The following EPS15 variants were observed in gnomAD, a reference collection of about 807,000 sequenced individuals.
EPS15 encodes the protein epidermal growth factor receptor pathway substrate 15, also known as epidermal growth factor receptor substrate 15.
In EPS15, 72 loss-of-function variants were observed where a neutral mutation model predicts 113.8. The ratio of observed to expected loss-of-function variants is 0.63; its 90% CI spans 0.52 to 0.77. EPS15 has a LOEUF of 0.77. Ranked by LOEUF, EPS15 falls within the 30% of genes least tolerant of loss-of-function variation. EPS15 has a pLI of 0.00. For synonymous variants in EPS15, 344 were observed against 363.4 expected, an observed-to-expected ratio of 0.95 and a Z score of 0.61; for missense variants, 1,048 against 1,045.8, an observed-to-expected ratio of 1.00 and a Z score of -0.03.
At chr1:51,415,129 G>A (rs1268384699) in intron 13 of EPS15, among the ~76,000 whole-genome samples, 3 of 152,020 alleles carry the variant, frequency 2.0e-5, no homozygotes, top group Non-Finnish European at 2.9e-5. Context: ...TAGAATCAAT[G>A]CTGGTTTCCT....
chr1:51,364,085 T>C, intron 22 of EPS15, 57 bp from the exon 23 acceptor site: 1 of 1,308,594 alleles, frequency 7.6e-7, no homozygotes, highest in South Asian at 1.5e-5. Flanking sequence ...GTGGTAGTCA[T>C]GTAGCATTCA....
chr1:51,416,980 T>C (rs1038054609), intron 13 of EPS15, among the ~76,000 whole-genome samples: 2 of 152,018 alleles, frequency 1.3e-5, no homozygotes, highest in African/African-American at 4.8e-5. Context: ...GTATCAACTA[T>C]AGAACAAGAT....
intron 7 of EPS15, among the ~76,000 whole-genome samples, chr1:51,461,521 TAAAAAAAAAAAAAAA>T (rs34184025): frequency 2.4e-5 from 2 of 85,042 alleles, no homozygotes; most frequent in Non-Finnish European, 5.0e-5. Flanking sequence ...CACTGTTTCT[TAAAAAAAAAAAAAAA>T]AAAAAAAAAA....
At chr1:51,454,940 A>G (rs963427135) in intron 8 of EPS15, among the ~76,000 whole-genome samples, 1 of 152,136 alleles carries the variant, frequency 6.6e-6, no homozygotes, top group Non-Finnish European at 1.5e-5. Context: ...TTAGGAAAAA[A>G]AAAAAAAAGA....
At chr1:51,417,596 G>T (rs1024995435) in intron 13 of EPS15, among the ~76,000 whole-genome samples, 4 of 152,210 alleles carry the variant, frequency 2.6e-5, no homozygotes, top group Non-Finnish European at 5.9e-5. Flanking sequence ...TATGGTTCAT[G>T]CCATATATAA....
intron 10 of EPS15, among the ~76,000 whole-genome samples, chr1:51,445,922 A>G (rs1419479526): frequency 6.6e-6 from 1 of 152,228 alleles, no homozygotes; most frequent in Non-Finnish European, 1.5e-5. Flanking sequence ...CATAACATTA[A>G]GCCCGTGACA....
chr1:51,490,743 T>C (rs1644218282), intron 1 of EPS15, among the ~76,000 whole-genome samples: 1 of 152,074 alleles, frequency 6.6e-6, no homozygotes, highest in African/African-American at 2.4e-5. Flanking sequence ...AAAGGATCTT[T>C]GTGACAGAGC....
rs528412012 is a variant in EPS15 at position 51,371,504 on chromosome 1, T to A, written c.2120-5475A>T. Among the ~76,000 whole-genome samples, 525 of 141,642 alleles carry A rather than the reference T, an allele frequency of 3.7e-3. 1 individual carries two copies. Among genetic ancestry groups the A allele is most frequent in the Non-Finnish European group, 6.5e-3 (426 of 65,238 alleles). 92.9% of individuals were successfully genotyped at this position (141,642 alleles called of 152,430 possible). On this transcript the variant is annotated intron_variant, in intron 21 of 24. Coordinates refer to ENST00000371733, the MANE Select transcript of EPS15 (RefSeq NM_001981.3). ...GCATCTTACATTTAAGAAAAAAGTT[T>A]AAAAGTTAAAAAAAAAAAGAAAAAA...
intron 12 of EPS15, among the ~76,000 whole-genome samples, chr1:51,430,026 G>A (rs1377282641): frequency 6.6e-6 from 1 of 152,060 alleles, no homozygotes; most frequent in Non-Finnish European, 1.5e-5. Flanking sequence ...AACACCGAAT[G>A]GCATTATTTA....
intron 13 of EPS15, among the ~76,000 whole-genome samples, chr1:51,415,761 A>C (rs975417583): frequency 8.2e-6 from 1 of 122,032 alleles, no homozygotes; most frequent in African/African-American, 3.1e-5. Flanking sequence ...GTGCCATTGC[A>C]CTCCAGCCTG....
At chr1:51,398,829 T>C (rs1052165979) in intron 20 of EPS15, among the ~76,000 whole-genome samples, 1 of 152,204 alleles carries the variant, frequency 6.6e-6, no homozygotes, top group African/African-American at 2.4e-5. Context: ...CGTTCAGTCA[T>C]TCCAGTTAAT....
intron 12 of EPS15, among the ~76,000 whole-genome samples, chr1:51,429,450 T>C (rs1016075312): frequency 2.0e-5 from 3 of 151,948 alleles, no homozygotes; most frequent in African/African-American, 7.3e-5. Flanking sequence ...AGTAGTAAAT[T>C]TTATGTTATG....
intron 8 of EPS15, among the ~76,000 whole-genome samples, chr1:51,449,612 T>C (rs769552882): frequency 1.3e-5 from 2 of 151,558 alleles, no homozygotes; most frequent in Non-Finnish European, 2.9e-5. Context: ...TTAAAGATGC[T>C]ATATTAGGCT....
At chr1:51,422,958 C>T (rs1301732937) in intron 12 of EPS15, among the ~76,000 whole-genome samples, 2 of 152,202 alleles carry the variant, frequency 1.3e-5, no homozygotes, top group Non-Finnish European at 2.9e-5. Context: ...AATGTAAGCT[C>T]AGGCTCCATT....
chr1:51,383,403 G>A (rs767865627), intron 21 of EPS15, among the ~76,000 whole-genome samples: 9 of 152,148 alleles, frequency 5.9e-5, no homozygotes, highest in East Asian at 3.8e-4. Flanking sequence ...ACCAGGGACC[G>A]GTTTTGTGGA....
rs556575619 is a variant in EPS15 at position 51,514,131 on chromosome 1, A to G, written c.33+5068T>C. On this transcript the variant is annotated intron_variant, in intron 1 of 24. Transcript: ENST00000371733. ...TGTCTAAATAAAAAAAGTTCACTTTACTGTAATACAGCATTCAATTTACAA... is the reference window on the plus strand; with the variant it reads ...TGTCTAAATAAAAAAAGTTCACTTTGCTGTAATACAGCATTCAATTTACAA... Among the ~76,000 whole-genome samples, 26 of 152,306 alleles carry G rather than the reference A, an allele frequency of 1.7e-4. No homozygotes were observed. The East Asian group carries it at 3.9e-3, about 23-fold the overall frequency.
intron 21 of EPS15, among the ~76,000 whole-genome samples, chr1:51,389,710 T>G (rs1483610231): frequency 1.3e-5 from 2 of 152,252 alleles, no homozygotes; most frequent in Non-Finnish European, 2.9e-5. Context: ...GAACTCTCAT[T>G]CACAATTGCT....
At chr1:51,366,837 C>T (rs534306802) in intron 21 of EPS15, among the ~76,000 whole-genome samples, 17 of 152,284 alleles carry the variant, frequency 1.1e-4, no homozygotes, top group African/African-American at 3.9e-4. Context: ...CTCTGCGGCA[C>T]TAATGGCATT....
chr1:51,402,551 AT>A, intron 17 of EPS15, 26 bp from the exon 18 acceptor site: 3 of 1,243,898 alleles, frequency 2.4e-6, no homozygotes, highest in Middle Eastern at 2.7e-4. Flanking sequence ...AATTAAAATT[AT>A]TTTTTAGAAA....
Sources: gnomAD v4.1 joint callset for allele counts (sites outside exome capture counted in the v4.1 genomes callset) on GRCh38, gnomAD v4.1.1 for gene constraint, MANE v1.5 for transcripts, NCBI Gene and HGNC (gene_info 2026-07-23, HGNC 2026-07-21) for gene names.